The following FRMD4A variants were observed in gnomAD, a reference collection of about 807,000 sequenced individuals.
The protein encoded by FRMD4A is FERM domain containing 4A.
Under a neutral mutation model 129.1 loss-of-function variants are expected in FRMD4A, and 29 were observed. That is an observed-to-expected ratio of 0.22 (90% CI 0.17 to 0.31). The LOEUF is 0.31. Among genes scored for constraint, FRMD4A ranks in the 10% least tolerant of loss-of-function variants. The pLI is 1.00. For synonymous variants in FRMD4A, 634 were observed against 571.6 expected (o/e 1.11, Z -1.56); for missense variants, 1,272 against 1,375.8 (o/e 0.92, Z 1.19).
chr10:13,694,121 C>G, intron 14 of FRMD4A, 82 bp from the exon 15 acceptor site: 1 of 1,169,940 alleles, frequency 8.5e-7, no homozygotes, highest in East Asian at 2.6e-5. Context: ...CGCCTGCTCA[C>G]CGTCTTGACA....
rs1237324848 is a variant in FRMD4A at position 14,089,639 on chromosome 10, AC to A, written c.46-230728del. Among the ~76,000 whole-genome samples, 637 of 100,496 alleles carry A rather than the reference AC, an allele frequency of 6.3e-3. 12 individuals carry two copies. Among genetic ancestry groups the A allele is most frequent in the Admixed American group, 0.044 (454 of 10,324 alleles). 65.9% of individuals were successfully genotyped at this position (100,496 alleles called of 152,430 possible). On this transcript the variant is annotated intron_variant, in intron 2 of 24. Transcript: ENST00000357447. ...CAAGCAAAAAAAAAAACAAAAAAAA[AC>A]AAACAAAAAAAAAACAGAAGAAAGA...
At chr10:14,124,008 C>T (rs74122494) in intron 2 of FRMD4A, among the ~76,000 whole-genome samples, 2 of 152,198 alleles carry the variant, frequency 1.3e-5, no homozygotes, top group South Asian at 2.1e-4. Context: ...CAGAGACCTG[C>T]GTTTAGGGCA....
At chr10:14,061,064 T>C (rs1417782656) in intron 2 of FRMD4A, among the ~76,000 whole-genome samples, 3 of 152,066 alleles carry the variant, frequency 2.0e-5, no homozygotes, top group African/African-American at 7.2e-5. Context: ...ATCAAGTAGT[T>C]TTACAAAACA....
At chr10:13,774,253 G>C (rs1161124560) in intron 6 of FRMD4A, among the ~76,000 whole-genome samples, 1 of 152,208 alleles carries the variant, frequency 6.6e-6, no homozygotes, top group South Asian at 2.1e-4. Context: ...TATAAAGTAG[G>C]GGGGTGGAAG....
At chr10:14,217,868 T>C (rs990890810) in intron 2 of FRMD4A, among the ~76,000 whole-genome samples, 8 of 152,060 alleles carry the variant, frequency 5.3e-5, no homozygotes, top group Non-Finnish European at 1.5e-5. Context: ...TCTCACTCTG[T>C]CATCCAGGAT....
chr10:13,703,839 T>C (rs1036787540), intron 13 of FRMD4A, among the ~76,000 whole-genome samples: 9 of 152,156 alleles, frequency 5.9e-5, no homozygotes, highest in African/African-American at 2.2e-4. Flanking sequence ...ATCCCATCTC[T>C]ACTAAAAATA....
chr10:13,703,233 C>A (rs1277263797), intron 13 of FRMD4A, among the ~76,000 whole-genome samples: 1 of 152,080 alleles, frequency 6.6e-6, no homozygotes, highest in African/African-American at 2.4e-5. Context: ...GGTAGTTCCC[C>A]GGAGCATCTA....
At chr10:14,060,654 C>T (rs556617449) in intron 2 of FRMD4A, among the ~76,000 whole-genome samples, 2 of 152,284 alleles carry the variant, frequency 1.3e-5, no homozygotes, top group South Asian at 2.1e-4. Flanking sequence ...TCAAATGCCT[C>T]ATTTTCAAAA....
chr10:14,225,052 C>G (rs1400505259), intron 2 of FRMD4A, among the ~76,000 whole-genome samples: 2 of 152,156 alleles, frequency 1.3e-5, no homozygotes, highest in Non-Finnish European at 2.9e-5. Context: ...GTAACAGAGT[C>G]ACCTGACTGC....
chr10:13,964,936 T>G (rs545853036), intron 2 of FRMD4A, among the ~76,000 whole-genome samples: 2 of 152,040 alleles, frequency 1.3e-5, no homozygotes, highest in African/African-American at 2.4e-5. Context: ...TGCCCGCCTC[T>G]GCCTCCCAAA....
chr10:13,853,502 C>T (rs1344466179), intron 3 of FRMD4A, among the ~76,000 whole-genome samples: 1 of 152,046 alleles, frequency 6.6e-6, no homozygotes. Context: ...CGCACCACTG[C>T]ACCACAGCTG....
intron 2 of FRMD4A, among the ~76,000 whole-genome samples, chr10:14,285,202 C>G (rs1459070745): frequency 6.6e-6 from 1 of 152,202 alleles, no homozygotes. Context: ...GAGTGAGGGT[C>G]AGACAAGCAA....
intron 2 of FRMD4A, among the ~76,000 whole-genome samples, chr10:13,993,165 T>C (rs1023649069): frequency 6.6e-6 from 1 of 152,190 alleles, no homozygotes; most frequent in Admixed American, 6.5e-5. Context: ...GCATCTCTGC[T>C]GTGGATGTGA....
At chr10:13,882,266 A>C (rs575224460) in intron 2 of FRMD4A, among the ~76,000 whole-genome samples, 51 of 152,168 alleles carry the variant, frequency 3.4e-4, no homozygotes, top group African/African-American at 1.2e-3. Context: ...TCAGCACCTC[A>C]CCCTAAAAGA....
At chr10:14,131,404 C>G (rs984793482) in intron 2 of FRMD4A, among the ~76,000 whole-genome samples, 2 of 151,892 alleles carry the variant, frequency 1.3e-5, no homozygotes, top group Admixed American at 6.6e-5. Context: ...GTGCCCCCCC[C>G]GGCCGCCCTG....
At chr10:14,179,970 G>T (rs567001763) in intron 2 of FRMD4A, among the ~76,000 whole-genome samples, 1 of 152,204 alleles carries the variant, frequency 6.6e-6, no homozygotes, top group Non-Finnish European at 1.5e-5. Flanking sequence ...GGAGGCGGAG[G>T]TTGCGGTGAG....
chr10:13,723,406 A>T (rs1162452769), intron 12 of FRMD4A, among the ~76,000 whole-genome samples: 1 of 152,244 alleles, frequency 6.6e-6, no homozygotes, highest in African/African-American at 2.4e-5. Context: ...GTTCAAACTC[A>T]CAGAAACAGA....
intron 2 of FRMD4A, among the ~76,000 whole-genome samples, chr10:14,053,956 A>T (rs1050336771): frequency 3.3e-5 from 5 of 152,096 alleles, no homozygotes; most frequent in African/African-American, 4.8e-5. Flanking sequence ...GCAGTGAGTT[A>T]TGATCACCCC....
At chr10:13,666,847 A>G (rs887236126) in intron 17 of FRMD4A, among the ~76,000 whole-genome samples, 4 of 150,544 alleles carry the variant, frequency 2.7e-5, no homozygotes, top group Non-Finnish European at 4.4e-5. Context: ...TCTGACTCAC[A>G]TATCTTGTCT....
Sources: allele counts gnomAD v4.1 joint callset (sites outside exome capture counted in the v4.1 genomes callset), GRCh38; gene constraint gnomAD v4.1.1; transcripts MANE v1.5; gene names NCBI Gene and HGNC (gene_info 2026-07-23, HGNC 2026-07-21).